The following MIGA2 variants were observed in gnomAD, a reference collection of about 807,000 sequenced individuals.
The protein encoded by MIGA2 is family with sequence similarity 73, member B.
A neutral mutation model predicts 69.9 loss-of-function variants in MIGA2; 36 were observed. That is an observed-to-expected ratio of 0.52 (90% CI 0.39 to 0.68). The LOEUF (loss-of-function observed/expected upper bound fraction) is 0.68, where lower values mean the gene tolerates loss of function less well. MIGA2 is among the 30% of genes least tolerant of loss of function. The probability of loss-of-function intolerance (pLI) is 0.00; values close to 1 mark genes in which losing one functional copy is unlikely to be tolerated. For synonymous variants in MIGA2, 333 were observed against 349.2 expected (o/e 0.95, Z 0.52); for missense variants, 660 against 787.7 (o/e 0.84, Z 1.94).
chr9:129,059,113 G>T lies in MIGA2; in HGVS notation c.676-41G>T. 3.8e-6 allele frequency: 6 copies of T among 1,581,686 alleles called. No individual in the cohort carries two copies. The highest frequency in any genetic ancestry group is 5.2e-6 in the Non-Finnish European group (6 of 1,151,664). On this transcript the variant is annotated intron_variant, in intron 6 of 15. Coordinates refer to ENST00000684074, the MANE Select transcript of MIGA2 (RefSeq NM_001329990.2). The surrounding 1 kb of genome is among the most constrained non-coding windows in gnomAD (Gnocchi z 5.6). ...AGGGAAGGGGCCATTTTCATCGGGA[G>T]CTTTGAGGGTCTGGGTTGAGGGTCC... is the stretch of plus-strand genomic sequence containing the variant.
intron 11 of MIGA2, among the ~76,000 whole-genome samples, chr9:129,064,875 C>T (rs540429835): frequency 5.3e-4 from 81 of 151,948 alleles, no homozygotes; most frequent in Middle Eastern, 3.4e-3. Flanking sequence ...CTCCACCTCC[C>T]GGGTTCAAGC....
Position 129,068,219 on chromosome 9 carries a change from G to A in MIGA2, c.1291G>A (p.Asp431Asn), listed in dbSNP as rs1846471452. The part of the protein sequence containing the change: ...GRGVVCMSFF[D>N]IVLDFILMDA... The stretch of plus-strand genomic sequence containing the variant: ...GTAGGTGGTATGCATGAGCTTCTTC[G>A]ACATCGTGCTGGACTTCATCCTCAT... The change falls in exon 13 of 16, where the codon GAC (aspartate) becomes AAC (asparagine). Residue 431 changes from aspartate (D) to asparagine (N), a missense_variant. Transcript: ENST00000684074. The surrounding 1 kb of genome is among the most constrained non-coding windows in gnomAD (Gnocchi z 4.1). 2.5e-6 allele frequency: 4 copies of A among 1,613,708 alleles called. No individual in the cohort carries two copies. The highest frequency in any genetic ancestry group is 3.4e-6 in the Non-Finnish European group (4 of 1,180,030).
At position 129,037,758 on chromosome 9, in the gene MIGA2, GC is replaced by G. The variant is rs1844670631; in HGVS notation, c.-144+1080del. Among the ~76,000 whole-genome samples the G allele has an allele frequency of 2.0e-5, 3 of 152,260 alleles. No individual in the cohort carries two copies. The South Asian group carries it at 6.2e-4, about 32-fold the overall frequency. ...CACCATGTGGGCTTCTCACTTGGGG[GC>G]CCAGAAGTCCTACAGTTGTGGCCTG... On this transcript the variant is annotated intron_variant, in intron 1 of 15. Transcript: ENST00000684074.
Position 129,063,302 on chromosome 9 carries a change from C to T in MIGA2, c.1069C>T (p.Arg357Trp), listed in dbSNP as rs1408262493. 3.1e-6 allele frequency: 5 copies of T among 1,613,902 alleles called. No homozygotes were observed. Among genetic ancestry groups the T allele is most frequent in the South Asian group, 2.2e-5 (2 of 91,084 alleles). ...CTTTCTGGCCAAGCTGCACTGTGTGCGGCAGGCCTTCGAGGTGGGTGTGGC... is the reference window on the plus strand; with the variant it reads ...CTTTCTGGCCAAGCTGCACTGTGTGTGGCAGGCCTTCGAGGTGGGTGTGGC... ...QDFLAKLHCV[R>W]QAFEGLLEDK... is the part of the protein sequence containing the mutation. The change falls in exon 10 of 16, where the codon CGG (arginine) becomes TGG (tryptophan). Residue 357 changes from arginine to tryptophan, a missense_variant. Around this residue, in one of 3 missense-constraint regions of MIGA2, gnomAD observed 386 missense variants for 402.0 expected, o/e 0.96. Coordinates refer to ENST00000684074, the MANE Select transcript of MIGA2 (RefSeq NM_001329990.2).
chr9:129,038,789 C>CTTTTTTTTTTTTTTT (rs869238538), intron 1 of MIGA2, among the ~76,000 whole-genome samples: 75 of 89,054 alleles, frequency 8.4e-4, no homozygotes, highest in Admixed American at 1.6e-3. Flanking sequence ...TTTTGTTTGT[C>CTTTTTTTTTTTTTTT]TTTTTTTTTT....
At chr9:129,038,106 G>C (rs1025400234) in intron 1 of MIGA2, among the ~76,000 whole-genome samples, 26 of 152,230 alleles carry the variant, frequency 1.7e-4, no homozygotes, top group African/African-American at 6.3e-4. Flanking sequence ...TGAAGGGTAG[G>C]GGGACGTGGC....
At position 129,063,645 on chromosome 9, in the gene MIGA2, G is replaced by T. The variant is rs1846184570; in HGVS notation, c.1170+14G>T. ...AAGGCTGAGAAGGTAGCAGGGGGTG[G>T]GGTGGGGGGGCAAATTATAAAATGC... On this transcript the variant is annotated intron_variant, in intron 11 of 15. Transcript: ENST00000684074. 1.3e-6 allele frequency: 2 copies of T among 1,517,150 alleles called. No individual in the cohort carries two copies. Among genetic ancestry groups the T allele is most frequent in the African/African-American group, 2.7e-5 (2 of 72,820 alleles). 94.0% of individuals were successfully genotyped at this position (1,517,150 alleles called of 1,614,324 possible).
rs183683692 is a variant in MIGA2 at position 129,061,048 on chromosome 9, G to A, written c.895-183G>A. ...ACCCCTGGAGATGGGGATGCTGAGGGCCAGAACTGGGCTCGAACTGGAGCC... is the reference window on the plus strand; with the variant it reads ...ACCCCTGGAGATGGGGATGCTGAGGACCAGAACTGGGCTCGAACTGGAGCC... On this transcript the variant is annotated intron_variant, in intron 8 of 15. Coordinates refer to ENST00000684074, the MANE Select transcript of MIGA2 (RefSeq NM_001329990.2). The surrounding 1 kb of genome is among the most constrained non-coding windows in gnomAD (Gnocchi z 5.0). Among the ~76,000 whole-genome samples the A allele has an allele frequency of 1.2e-4, 19 of 152,318 alleles. No individual in the cohort carries two copies. The East Asian group carries it at 3.3e-3, about 26-fold the overall frequency.
In MIGA2 at chr9:129,061,132, G is replaced by A. The variant is rs1298596436; in HGVS notation, c.895-99G>A. On this transcript the variant is annotated intron_variant, in intron 8 of 15. Transcript: ENST00000684074. This position sits in a 1 kb window ranked among gnomAD's most constrained non-coding sequence, Gnocchi z 5.0. Reference sequence around the variant, plus strand: ...AGACGTTGGCAGTGGGCAGGCACCTGGGGTGGCCGCTGTGGCCGACCAATG... The same window carrying A: ...AGACGTTGGCAGTGGGCAGGCACCTAGGGTGGCCGCTGTGGCCGACCAATG... 2 of 980,824 alleles carry A rather than the reference G, an allele frequency of 2.0e-6. No homozygotes were observed. Among genetic ancestry groups the A allele is most frequent in the East Asian group, 2.6e-5 (1 of 38,468 alleles). 60.8% of individuals were successfully genotyped at this position (980,824 alleles called of 1,614,324 possible).
intron 6 of MIGA2, among the ~76,000 whole-genome samples, chr9:129,054,872 C>T (rs1272231751): frequency 2.6e-5 from 4 of 152,004 alleles, no homozygotes; most frequent in Admixed American, 1.3e-4. Context: ...AGTGAAATTG[C>T]GGGGATCACA....
At chr9:129,048,603 C>CAGAGT in intron 4 of MIGA2, 64 bp downstream of exon 4, 4 of 1,275,192 alleles carry the variant, frequency 3.1e-6, no homozygotes, top group East Asian at 2.3e-5. Flanking sequence ...GAGGACTCTG[C>CAGAGT]CCTCAGCAAG....
In MIGA2 at chr9:129,060,220, C is replaced by T. The variant is rs1383489744; in HGVS notation, c.794-330C>T. Among the ~76,000 whole-genome samples the T allele has an allele frequency of 6.6e-6, 1 of 152,138 alleles. No homozygotes were observed. The highest frequency in any genetic ancestry group is 1.5e-5 in the Non-Finnish European group (1 of 67,998). On this transcript the variant is annotated intron_variant, in intron 7 of 15. Coordinates refer to ENST00000684074, the MANE Select transcript of MIGA2 (RefSeq NM_001329990.2). The surrounding 1 kb of genome is among the most constrained non-coding windows in gnomAD (Gnocchi z 4.8). ...CCCCGGGGCCACACAGTTCAAGGTC[C>T]TCCCCCTGCAGAGCTTGGGCCTTCA...
chr9:129,044,849 C>G (rs950664705), intron 3 of MIGA2, among the ~76,000 whole-genome samples: 3 of 151,720 alleles, frequency 2.0e-5, no homozygotes, highest in Admixed American at 6.6e-5. Flanking sequence ...CCTTGGCCCC[C>G]CAAAGTGCTG....
intron 2 of MIGA2, among the ~76,000 whole-genome samples, chr9:129,041,602 T>A (rs2131340257): frequency 6.6e-6 from 1 of 152,226 alleles, no homozygotes; most frequent in East Asian, 1.9e-4. Context: ...CCTAAAGTGC[T>A]GGGTTTATAG....
At position 129,061,366 on chromosome 9, in the gene MIGA2, G is replaced by T; in HGVS notation, c.1010+20G>T. On this transcript the variant is annotated intron_variant, in intron 9 of 15. Coordinates refer to ENST00000684074, the MANE Select transcript of MIGA2 (RefSeq NM_001329990.2). The surrounding 1 kb of genome is among the most constrained non-coding windows in gnomAD (Gnocchi z 5.0). ...CCTCAGGTGAGCAGGTGTGGAGGGA[G>T]GGAGGGAGGGAGCAGGAGGCGATGG... The T allele has an allele frequency of 1.3e-6, 2 of 1,539,094 alleles. No individual in the cohort carries two copies. Among genetic ancestry groups the T allele is most frequent in the South Asian group, 1.1e-5 (1 of 87,308 alleles).
rs747661739 is a variant in MIGA2 at position 129,063,566 on chromosome 9, A to G, written c.1105A>G (p.Asn369Asp). 1 of 1,612,630 alleles carries G rather than the reference A, an allele frequency of 6.2e-7. No individual in the cohort carries two copies. The highest frequency in any genetic ancestry group is 1.3e-5 in the African/African-American group (1 of 74,794). Residue 369 changes from asparagine (N) to aspartate (D), a missense_variant, in exon 11 of 16, where the codon AAC becomes GAC. By Grantham distance (23) the Asn-to-Asp change is conservative. Coordinates refer to ENST00000684074, the MANE Select transcript of MIGA2 (RefSeq NM_001329990.2). Reference sequence around the variant, plus strand: ...CTAGGGGCTTCTGGAAGACAAGAGTAACCAGCTTTTCTTCGGGAAAGTGGG... The same window carrying G: ...CTAGGGGCTTCTGGAAGACAAGAGTGACCAGCTTTTCTTCGGGAAAGTGGG... Reference protein sequence around the residue: ...AFEGLLEDKSNQLFFGKVGRQ... With the variant: ...AFEGLLEDKSDQLFFGKVGRQ...
In MIGA2 at chr9:129,048,439, G is replaced by A. The variant is rs572308329; in HGVS notation, c.320G>A (p.Arg107Gln). 1.4e-5 allele frequency: 22 copies of A among 1,613,906 alleles called. No homozygotes were observed. Among genetic ancestry groups the A allele is most frequent in the African/African-American group, 1.2e-4 (9 of 75,040 alleles). Reference sequence around the variant, plus strand: ...CTGCTCCTCACAGGATACTCCAGCCGGAGAGTCCAGAGCCCCAGCAGCAAG... The same window carrying A: ...CTGCTCCTCACAGGATACTCCAGCCAGAGAGTCCAGAGCCCCAGCAGCAAG... ...VPSVKKGYSS[R>Q]RVQSPSSKSN... The change falls in exon 4 of 16, where the codon CGG becomes CAG. Residue 107 changes from arginine to glutamine, a missense_variant. Physicochemically the swap from Arg to Gln is conservative, Grantham distance 43. Coordinates refer to ENST00000684074, the MANE Select transcript of MIGA2 (RefSeq NM_001329990.2).
chr9:129,036,859 G>T, intron 1 of MIGA2, 178 bp downstream of exon 1: 1 of 832,998 alleles, frequency 1.2e-6, no homozygotes. Flanking sequence ...TTGCTTGGGA[G>T]CGGAACGAGA....
At chr9:129,050,817 T>G (rs1564607894) in intron 6 of MIGA2, among the ~76,000 whole-genome samples, 1 of 151,990 alleles carries the variant, frequency 6.6e-6, no homozygotes, top group Non-Finnish European at 1.5e-5. Context: ...GTGATCCGCC[T>G]GCCTTGGCTT....
Sources: gnomAD v4.1 joint callset for allele counts (sites outside exome capture counted in the v4.1 genomes callset) on GRCh38, gnomAD v4.1.1 for gene constraint, gnomAD v4.1.1 regional missense constraint, Gnocchi (gnomAD v3.1) non-coding constraint, MANE v1.5 for transcripts, NCBI Gene and HGNC (gene_info 2026-07-23, HGNC 2026-07-21) for gene names.